Variants in KCNMB3 observed in about 807,000 individuals in gnomAD.
KCNMB3 encodes potassium calcium-activated channel subfamily M regulatory beta subunit 3, also known as calcium-activated potassium channel subunit beta-3.
In KCNMB3, 18 loss-of-function variants were observed where a neutral mutation model predicts 11.9. That is an observed-to-expected ratio of 1.51 (90% confidence interval 1.04 to 2.23). The LOEUF is 2.23. Among genes scored for constraint, KCNMB3 ranks in the 30% most tolerant of loss-of-function variants. KCNMB3 has a pLI of 0.00. For synonymous variants in KCNMB3, 78 were observed against 119.2 expected, an observed-to-expected ratio of 0.65 and a Z score of 2.25; for missense variants, 247 against 329.4, an observed-to-expected ratio of 0.75 and a Z score of 1.94.
upstream of KCNMB3, among the ~76,000 whole-genome samples, chr3:179,255,510 T>A (rs188783501): frequency 7.2e-5 from 11 of 152,296 alleles, no homozygotes; most frequent in Non-Finnish European, 1.0e-4. Context: ...CAGAGCTGGA[T>A]CTGCAAAAAT....
chr3:179,240,803 C>G (rs1487829874), downstream of KCNMB3: 1 of 151,928 alleles, frequency 6.6e-6, no homozygotes, highest in Non-Finnish European at 1.5e-5. Context: ...AAAATCCCAG[C>G]AACTGCATAT....
At chr3:179,240,317 AATGT>A (rs978412736), downstream of KCNMB3, 18 of 395,758 alleles carry the variant, frequency 4.5e-5, no homozygotes, top group Non-Finnish European at 7.7e-5. Context: ...ATATTAAAGG[AATGT>A]ATGTTTAAAT....
In KCNMB3 at chr3:179,247,340, C is replaced by CATATAT. The variant is rs34820544; in HGVS notation, c.249-2653_249-2648dup. On this transcript the variant is annotated intron_variant, in intron 1 of 2. Coordinates refer to ENST00000392685, the MANE Select transcript of KCNMB3 (RefSeq NM_171830.2). ...AATCAAATTACATAGACATGTAATGCATATATATATATATATGATGAGAGG... is the reference window on the plus strand; with the variant it reads ...AATCAAATTACATAGACATGTAATGCATATATATATATATATATATATGATGAGAGG... 6.8e-5 allele frequency among the ~76,000 whole-genome samples: 10 copies of CATATAT among 147,716 alleles called. No homozygotes were observed. In the South Asian group the frequency reaches 1.1e-3, roughly 16 times the overall value.
In KCNMB3 at chr3:179,260,047, T is replaced by G; in HGVS notation, c.62+6602A>C. Reference sequence around the variant, plus strand: ...TTCTCTAAACTATGCCCTATGCTTGTCTCTAACTGTTGGGGGACCTCTACC... The same window carrying G: ...TTCTCTAAACTATGCCCTATGCTTGGCTCTAACTGTTGGGGGACCTCTACC... On this transcript the variant is annotated intron_variant, in intron 1 of 3. Transcript: ENST00000349697. The G allele has an allele frequency of 2.5e-6, 4 of 1,611,880 alleles. No individual in the cohort carries two copies. In the South Asian group the frequency reaches 4.4e-5, roughly 18 times the overall value.
intron 1 of KCNMB3, chr3:179,261,152 G>T: frequency 7.5e-7 from 1 of 1,331,730 alleles, no homozygotes; most frequent in South Asian, 1.3e-5. Flanking sequence ...CTCCTTCATG[G>T]GGATCTCACG....
Position 179,244,584 on chromosome 3 carries a change from G to A in KCNMB3, c.358C>T (p.Pro120Ser). The A allele has an allele frequency of 6.2e-7, 1 of 1,614,120 alleles. No homozygotes were observed. The highest frequency in any genetic ancestry group is 8.5e-7 in the Non-Finnish European group (1 of 1,180,012). The change falls in exon 2 of 3, where the codon CCG becomes TCG. Residue 120 changes from proline (P) to serine (S), a missense_variant. Pro to Ser is a moderately conservative substitution (Grantham distance 74). Around this residue, in one of 2 missense-constraint regions of KCNMB3, gnomAD observed 160 missense variants for 157.5 expected, o/e 1.02. Coordinates refer to ENST00000392685, the MANE Select transcript of KCNMB3 (RefSeq NM_171830.2). ...GVHCHGQGKY[P>S]CLQVFVNLSH... The stretch of plus-strand genomic sequence containing the variant: ...AGGTTCACAAACACCTGAAGACACG[G>A]GTACTTCCCCTGACCGTGGCAGTGC...
chr3:179,261,339 G>C, intron 1 of KCNMB3: 1 of 1,169,774 alleles, frequency 8.5e-7, no homozygotes, highest in Non-Finnish European at 1.1e-6. Flanking sequence ...GCCCCCCCCC[G>C]CGGGCCGGGC....
intron 1 of KCNMB3, among the ~76,000 whole-genome samples, chr3:179,249,213 G>C (rs1350814438): frequency 3.3e-5 from 5 of 149,866 alleles, no homozygotes; most frequent in Non-Finnish European, 5.9e-5. Flanking sequence ...CGGGGTTTCA[G>C]CATGTTAGCC....
intron 1 of KCNMB3, chr3:179,259,744 T>C: frequency 6.3e-7 from 1 of 1,598,468 alleles, no homozygotes; most frequent in Non-Finnish European, 8.5e-7. Context: ...TTCTTTCTCT[T>C]CTGCAATGAG....
intron 1 of KCNMB3, among the ~76,000 whole-genome samples, chr3:179,263,450 G>A (rs1726284239): frequency 6.6e-6 from 1 of 152,254 alleles, no homozygotes; most frequent in Non-Finnish European, 1.5e-5. Flanking sequence ...CCAGAAAGGG[G>A]CTCCTCAGGC....
chr3:179,253,345 A>C (rs1267082776), upstream of KCNMB3, among the ~76,000 whole-genome samples: 1 of 152,224 alleles, frequency 6.6e-6, no homozygotes, highest in Admixed American at 6.5e-5. Context: ...CTAATTTAGG[A>C]ATAAGACAGA....
intron 1 of KCNMB3, among the ~76,000 whole-genome samples, chr3:179,246,043 T>G (rs573311819): frequency 1.3e-5 from 2 of 152,198 alleles, no homozygotes; most frequent in African/African-American, 4.8e-5. Context: ...CACTCACATA[T>G]AGGTGGACTC....
chr3:179,259,452 G>A (rs1043507549), intron 1 of KCNMB3: 2 of 1,612,588 alleles, frequency 1.2e-6, no homozygotes, highest in African/African-American at 1.3e-5. Flanking sequence ...CTCAGCTGCT[G>A]TTTTTACATC....
exon 1 of KCNMB3, chr3:179,266,809 AG>A (rs1726382775): frequency 6.6e-7 from 1 of 1,510,610 alleles, no homozygotes; most frequent in African/African-American, 1.4e-5. Context: ...GTGGAGTCCC[AG>A]CGGGAGCCCC....
At chr3:179,257,681 T>C (rs1393197767) in intron 1 of KCNMB3, among the ~76,000 whole-genome samples, 2 of 152,224 alleles carry the variant, frequency 1.3e-5, no homozygotes, top group Non-Finnish European at 2.9e-5. Context: ...GATTAGAAAT[T>C]CAAACAAAGA....
intron 1 of KCNMB3, chr3:179,260,730 T>C (rs894827227): frequency 6.9e-7 from 1 of 1,440,276 alleles, no homozygotes; most frequent in Non-Finnish European, 9.8e-7. Context: ...AGGGCCTCCT[T>C]GACTTCAGCA....
chr3:179,240,239 A>C, downstream of KCNMB3: 1 of 523,314 alleles, frequency 1.9e-6, no homozygotes, highest in South Asian at 2.9e-5. Context: ...ATGACTAAGA[A>C]TACTTGATTG....
intron 1 of KCNMB3, among the ~76,000 whole-genome samples, chr3:179,265,482 G>C (rs1326067430): frequency 2.0e-5 from 3 of 152,162 alleles, no homozygotes; most frequent in Non-Finnish European, 2.9e-5. Flanking sequence ...TTGAGACAGA[G>C]TTTGGCTCTT....
chr3:179,259,487 A>G, intron 1 of KCNMB3: 4 of 1,612,610 alleles, frequency 2.5e-6, no homozygotes, highest in Non-Finnish European at 3.4e-6. Flanking sequence ...CAAGTTTTCC[A>G]TCCAACTTCA....
Sources: allele counts gnomAD v4.1 joint callset (sites outside exome capture counted in the v4.1 genomes callset), GRCh38; gene constraint gnomAD v4.1.1; regional missense constraint gnomAD v4.1.1; transcripts MANE v1.5; gene names NCBI Gene and HGNC (gene_info 2026-07-23, HGNC 2026-07-21).